The following NDUFAF2 variants were observed in gnomAD, a reference collection of about 807,000 sequenced individuals.
NDUFAF2 encodes NADH dehydrogenase [ubiquinone] 1 alpha subcomplex assembly factor 2.
NDUFAF2 carries 13 observed loss-of-function variants against 22.8 expected under a neutral mutation model. The observed-to-expected ratio is 0.57, with a 90% CI of 0.37 to 0.91. NDUFAF2 has a LOEUF of 0.91. Ranked by LOEUF, NDUFAF2 falls within the 40% of genes least tolerant of loss-of-function variation. The pLI is 0.01. For missense variants in NDUFAF2, 162 were observed against 195.2 expected (o/e 0.83, Z 1.01); for synonymous variants, 53 against 64.2 (o/e 0.83, Z 0.84).
intron 1 of NDUFAF2, among the ~76,000 whole-genome samples, chr5:60,993,160 G>C (rs1443232470): frequency 6.6e-6 from 1 of 152,262 alleles, no homozygotes; most frequent in African/African-American, 2.4e-5. Flanking sequence ...AGGGCGGGCA[G>C]CTCCAGGTGC....
At chr5:61,040,286 A>ACACACACACGCGCGCGCGCG (rs1491193758) in intron 1 of NDUFAF2, among the ~76,000 whole-genome samples, 19 of 93,070 alleles carry the variant, frequency 2.0e-4, no homozygotes, top group African/African-American at 6.1e-4. Context: ...ACACACACAC[A>ACACACACACGCGCGCGCGCG]CGCGCGCGCG....
At chr5:60,992,406 T>C (rs554594636) in intron 1 of NDUFAF2, among the ~76,000 whole-genome samples, 1 of 152,336 alleles carries the variant, frequency 6.6e-6, no homozygotes, top group South Asian at 2.1e-4. Context: ...TCCCTACTGT[T>C]TTCTTTTAGT....
At chr5:61,099,168 ATAAAT>A (rs1752677593) in intron 3 of NDUFAF2, 136 bp downstream of exon 3, 1 of 344,466 alleles carries the variant, frequency 2.9e-6, no homozygotes, top group African/African-American at 2.2e-5. Context: ...ACATTTTATA[ATAAAT>A]TAATATATAA....
At chr5:61,066,936 G>T (rs1752235197) in intron 1 of NDUFAF2, among the ~76,000 whole-genome samples, 1 of 152,060 alleles carries the variant, frequency 6.6e-6, no homozygotes, top group Non-Finnish European at 1.5e-5. Context: ...ACAGGAAGGG[G>T]TGGTTGGGAG....
intron 1 of NDUFAF2, among the ~76,000 whole-genome samples, chr5:61,005,100 A>G (rs1751348670): frequency 6.6e-6 from 1 of 151,870 alleles, no homozygotes; most frequent in Admixed American, 6.6e-5. Flanking sequence ...CCCTCACCCC[A>G]TGACAGACCC....
chr5:61,050,257 T>A (rs574029730), intron 1 of NDUFAF2: 201 of 152,240 alleles, frequency 1.3e-3, no homozygotes, highest in African/African-American at 4.6e-3. Context: ...TTCTGGGGTT[T>A]TTGTAGAAAG....
At chr5:60,982,701 C>T (rs779186774) in intron 1 of NDUFAF2, among the ~76,000 whole-genome samples, 5 of 151,842 alleles carry the variant, frequency 3.3e-5, no homozygotes, top group Non-Finnish European at 5.9e-5. Context: ...TTTCCAGCTT[C>T]GTCCATGTCC....
intron 1 of NDUFAF2, among the ~76,000 whole-genome samples, chr5:60,994,683 A>T (rs1446761379): frequency 6.6e-6 from 1 of 152,188 alleles, no homozygotes; most frequent in African/African-American, 2.4e-5. Flanking sequence ...CTTTGGGTTA[A>T]ATCAGCTTGG....
chr5:61,063,945 G>A (rs1030249904), intron 1 of NDUFAF2, among the ~76,000 whole-genome samples: 4 of 152,090 alleles, frequency 2.6e-5, no homozygotes, highest in African/African-American at 4.8e-5. Context: ...TGATAGAATG[G>A]TTAGATGGAG....
At chr5:61,132,938 A>G (rs781091397) in intron 3 of NDUFAF2, among the ~76,000 whole-genome samples, 2 of 150,718 alleles carry the variant, frequency 1.3e-5, no homozygotes, top group Non-Finnish European at 1.5e-5. Flanking sequence ...ACCTTCTCCA[A>G]TCCCATAATA....
intron 1 of NDUFAF2, among the ~76,000 whole-genome samples, chr5:60,956,090 G>T (rs1257665318): frequency 6.6e-6 from 1 of 151,880 alleles, no homozygotes; most frequent in Non-Finnish European, 1.5e-5. Context: ...TTGTAGAGAT[G>T]AGATTTCACC....
At chr5:61,027,770 T>C (rs1250149365) in intron 1 of NDUFAF2, among the ~76,000 whole-genome samples, 13 of 151,986 alleles carry the variant, frequency 8.6e-5, no homozygotes, top group Admixed American at 2.6e-4. Context: ...CTCCTTTTTT[T>C]CTTCTTATCA....
intron 1 of NDUFAF2, among the ~76,000 whole-genome samples, chr5:61,026,274 C>T (rs559276035): frequency 6.6e-5 from 10 of 151,902 alleles, no homozygotes; most frequent in Non-Finnish European, 1.0e-4. Flanking sequence ...TGACAAAAAT[C>T]GTGAGGCTAG....
intron 1 of NDUFAF2, among the ~76,000 whole-genome samples, chr5:61,035,522 A>G (rs979986565): frequency 1.4e-5 from 2 of 147,656 alleles, no homozygotes; most frequent in Non-Finnish European, 3.0e-5. Context: ...GGAAATATCC[A>G]GCAAAACTGA....
At chr5:61,131,594 T>C (rs1200619201) in intron 3 of NDUFAF2, among the ~76,000 whole-genome samples, 1 of 152,142 alleles carries the variant, frequency 6.6e-6, no homozygotes, top group Admixed American at 6.6e-5. Context: ...CATTCATCTA[T>C]AGGGGATTGA....
Position 60,977,969 on chromosome 5 carries a change from T to C in NDUFAF2, c.127+32587T>C, listed in dbSNP as rs547425063. On this transcript the variant is annotated intron_variant, in intron 1 of 3. Transcript: ENST00000296597. Reference sequence around the variant, plus strand: ...CAGAAGCAGAGATGAGTGATCATAGTACCTAGTTTTAAAATCATAATAAGG... The same window carrying C: ...CAGAAGCAGAGATGAGTGATCATAGCACCTAGTTTTAAAATCATAATAAGG... 1.4e-4 allele frequency among the ~76,000 whole-genome samples: 22 copies of C among 152,180 alleles called. No homozygotes were observed. In the South Asian group the frequency reaches 4.6e-3, roughly 32 times the overall value.
intron 1 of NDUFAF2, among the ~76,000 whole-genome samples, chr5:61,010,872 G>A (rs1751434465): frequency 1.3e-5 from 2 of 152,106 alleles, no homozygotes; most frequent in Non-Finnish European, 2.9e-5. Flanking sequence ...TCACTAAAGG[G>A]AAAGGGCATT....
intron 3 of NDUFAF2, chr5:61,146,400 G>T (rs1046215214): frequency 7.2e-5 from 11 of 152,026 alleles, no homozygotes; most frequent in African/African-American, 2.7e-4. Context: ...ATTCTACAAG[G>T]TTTCCATCTT....
intron 1 of NDUFAF2, among the ~76,000 whole-genome samples, chr5:61,002,092 AGG>A (rs1751304207): frequency 6.6e-6 from 1 of 152,106 alleles, no homozygotes; most frequent in Non-Finnish European, 1.5e-5. Flanking sequence ...AGGACCAACC[AGG>A]ACAGCATTGT....
Sources: allele counts gnomAD v4.1 joint callset (sites outside exome capture counted in the v4.1 genomes callset), GRCh38; gene constraint gnomAD v4.1.1; transcripts MANE v1.5; gene names NCBI Gene and HGNC (gene_info 2026-07-23, HGNC 2026-07-21).